ASB9: variants seen among roughly 807,000 people sequenced by gnomAD.
The protein encoded by ASB9 is ankyrin repeat and SOCS box protein 9.
A neutral mutation model predicts 16.6 loss-of-function variants in ASB9; 5 were observed. The ratio of observed to expected loss-of-function variants is 0.30; its 90% CI spans 0.16 to 0.63. The LOEUF (loss-of-function observed/expected upper bound fraction) is 0.63, where lower values mean the gene tolerates loss of function less well. Among genes scored for constraint, ASB9 ranks in the 30% least tolerant of loss-of-function variants. The pLI is 0.82. For missense variants in ASB9, 216 were observed against 229.4 expected (o/e 0.94, Z 0.38); for synonymous variants, 100 against 86.4 (o/e 1.16, Z -0.87).
At chrX:15,248,370 C>T (rs987808369) in intron 6 of ASB9, among the ~76,000 whole-genome samples, 1 of 112,315 alleles carries the variant, frequency 8.9e-6, no homozygotes, top group African/African-American at 3.2e-5. Context: ...TGTGGTTCAA[C>T]AAGATATCCT....
intron 6 of ASB9, among the ~76,000 whole-genome samples, chrX:15,246,245 C>T (rs1380559997): frequency 1.8e-5 from 2 of 111,530 alleles, no homozygotes; most frequent in Non-Finnish European, 3.8e-5. Flanking sequence ...CTACTGATGC[C>T]AACTGAATGC....
At chrX:15,248,229 C>G (rs762354137) in intron 6 of ASB9, among the ~76,000 whole-genome samples, 3 of 111,820 alleles carry the variant, frequency 2.7e-5, no homozygotes, top group Non-Finnish European at 5.6e-5. Flanking sequence ...TCAGTTCTTA[C>G]TTATAGAGAA....
At chrX:15,251,328 CG>C (rs1488806507) in intron 4 of ASB9, among the ~76,000 whole-genome samples, 1 of 111,492 alleles carries the variant, frequency 9.0e-6, no homozygotes, top group East Asian at 2.8e-4. Context: ...CAGGCCACAG[CG>C]GGTATAGGCA....
At chrX:15,256,078 T>C (rs1373863210) in intron 2 of ASB9, among the ~76,000 whole-genome samples, 1 of 111,343 alleles carries the variant, frequency 9.0e-6, no homozygotes, top group Non-Finnish European at 1.9e-5. Context: ...AGCCTACACC[T>C]GCTTCTGTAG....
intron 5 of ASB9, 84 bp from the exon 6 acceptor site, chrX:15,249,019 T>C: frequency 2.0e-6 from 2 of 984,434 alleles, no homozygotes; most frequent in Non-Finnish European, 2.7e-6. Context: ...GCCCCAAAAT[T>C]TCCTAACAAG....
intron 5 of ASB9, among the ~76,000 whole-genome samples, chrX:15,250,203 CAT>C (rs1924987520): frequency 2.7e-5 from 3 of 109,402 alleles, no homozygotes; most frequent in African/African-American, 1.0e-4. Context: ...TCATCATCAT[CAT>C]CATCCTCCTC....
At chrX:15,254,916 T>G (rs1925417802) in intron 2 of ASB9, 72 bp from the exon 3 acceptor site, 5 of 840,023 alleles carry the variant, frequency 6.0e-6, no homozygotes, top group Non-Finnish European at 8.8e-6. Context: ...TCAGCCACCA[T>G]TCCAGTACTA....
chrX:15,262,762 A>G (rs1926076918), intron 1 of ASB9, among the ~76,000 whole-genome samples: 1 of 111,750 alleles, frequency 8.9e-6, no homozygotes. Context: ...CTCTCAAGTA[A>G]CTGGGACTAC....
At position 15,244,352 on chromosome X, in the gene ASB9, A is replaced by T; in HGVS notation, c.*154T>A. 2 of 640,443 alleles carry T rather than the reference A, an allele frequency of 3.1e-6. No homozygotes were observed. The highest frequency in any genetic ancestry group is 6.2e-5 in the South Asian group (2 of 32,301). The allele number at this position is 640,443 out of a possible 1,213,427, so 52.8% of individuals were successfully genotyped here. ...AACAAATACAAATTGAATAGAAAAAATTAGTCAAACTCCATAAACAAGTTT... is the reference window on the plus strand; with the variant it reads ...AACAAATACAAATTGAATAGAAAAATTTAGTCAAACTCCATAAACAAGTTT... On this transcript the variant is annotated 3_prime_UTR_variant, in exon 7 of 7. Coordinates refer to ENST00000380488, the MANE Select transcript of ASB9 (RefSeq NM_001031739.3).
chrX:15,259,198 T>C, intron 1 of ASB9: 1 of 286,836 alleles, frequency 3.5e-6, no homozygotes, highest in African/African-American at 2.6e-5. Flanking sequence ...AAGAGGTGGA[T>C]TGGGATGACA....
At chrX:15,247,155 G>T (rs1924738626) in intron 6 of ASB9, among the ~76,000 whole-genome samples, 1 of 111,376 alleles carries the variant, frequency 9.0e-6, no homozygotes, top group East Asian at 2.8e-4. Flanking sequence ...GCAATCCACA[G>T]GTCTAGTTTT....
chrX:15,256,648 A>G lies in ASB9; in HGVS notation c.175-1804T>C, dbSNP rs749606217. ...AAAAATTAGCCGGGCGAGGTGGGGG[A>G]CACCTGTAGTCCCAGCTACTCGGGA... is the stretch of plus-strand genomic sequence containing the variant. On this transcript the variant is annotated intron_variant, in intron 2 of 6. Coordinates refer to ENST00000380488, the MANE Select transcript of ASB9 (RefSeq NM_001031739.3). 6.8e-3 allele frequency among the ~76,000 whole-genome samples: 704 copies of G among 103,009 alleles called. 9 individuals are homozygous for G. The highest frequency in any genetic ancestry group is 0.024 in the African/African-American group (658 of 27,497). 89.5% of individuals were successfully genotyped at this position (103,009 alleles called of 115,157 possible).
chrX:15,250,066 G>A (rs1924972676), intron 5 of ASB9, among the ~76,000 whole-genome samples: 1 of 111,791 alleles, frequency 8.9e-6, no homozygotes, highest in Non-Finnish European at 1.9e-5. Flanking sequence ...CAAATAGGAA[G>A]ATTCAACACT....
In ASB9 at chrX:15,263,878, A is replaced by G. The variant is rs528524715; in HGVS notation, c.95-4933T>C. 1.8e-4 allele frequency among the ~76,000 whole-genome samples: 20 copies of G among 111,986 alleles called. No individual in the cohort carries two copies. The South Asian group carries it at 7.1e-3, about 40-fold the overall frequency. On this transcript the variant is annotated intron_variant, in intron 1 of 6. Coordinates refer to ENST00000380488, the MANE Select transcript of ASB9 (RefSeq NM_001031739.3). ...TCAGGCAAAACCCCAAAAGATAGACACTAACACTGGGAACAGTGATTACCT... is the reference window on the plus strand; with the variant it reads ...TCAGGCAAAACCCCAAAAGATAGACGCTAACACTGGGAACAGTGATTACCT...
intron 1 of ASB9, among the ~76,000 whole-genome samples, chrX:15,265,457 C>T (rs1277790159): frequency 8.9e-6 from 1 of 111,979 alleles, no homozygotes; most frequent in Non-Finnish European, 1.9e-5. Context: ...TTGAAATCAT[C>T]GCCCTTTCTC....
Position 15,269,785 on chromosome X carries a change from C to A in ASB9, c.90G>T (p.Met30Ile), listed in dbSNP as rs151217271. Residue 30 changes from methionine to isoleucine, a missense_variant, in exon 1 of 7, where the codon ATG becomes ATT. Physicochemically the swap from Met to Ile is conservative, Grantham distance 10. Transcript: ENST00000380488. ...PGIRLLSNPL[M>I]GDAVSDWSPM... ...TCCACTGCCCCTATGACTCACCGCC[C>A]ATCAATGGGTTTGAAAGAAGCCTGA... is the stretch of plus-strand genomic sequence containing the variant. The A allele has an allele frequency of 7.5e-6, 9 of 1,204,389 alleles. No homozygotes were observed. In the African/African-American group the frequency reaches 1.4e-4, roughly 19 times the overall value.
chrX:15,259,178 C>T lies in ASB9; in HGVS notation c.95-233G>A, dbSNP rs1925792121. 1.3e-5 allele frequency: 4 copies of T among 312,467 alleles called. No homozygotes were observed. The South Asian group carries it at 4.4e-4, about 34-fold the overall frequency. 25.8% of individuals were successfully genotyped at this position (312,467 alleles called of 1,213,427 possible). On this transcript the variant is annotated intron_variant, in intron 1 of 6. Coordinates refer to ENST00000380488, the MANE Select transcript of ASB9 (RefSeq NM_001031739.3). ...GAAAGAACTACAGCCAGTCCTCAAA[C>T]TAAGGACAAAAGAGGTGGATTGGGA...
At chrX:15,266,764 G>A (rs753282084) in intron 1 of ASB9, among the ~76,000 whole-genome samples, 83 of 109,069 alleles carry the variant, frequency 7.6e-4, no homozygotes, top group Non-Finnish European at 3.2e-4. Context: ...GTGAAACCCC[G>A]TCTCTACTAA....
At chrX:15,250,204 ATCATCC>A (rs1220803861) in intron 5 of ASB9, among the ~76,000 whole-genome samples, 1 of 109,436 alleles carries the variant, frequency 9.1e-6, no homozygotes, top group African/African-American at 3.4e-5. Flanking sequence ...CATCATCATC[ATCATCC>A]TCCTCCTCCT....
Sources: gnomAD v4.1 joint callset for allele counts (sites outside exome capture counted in the v4.1 genomes callset) on GRCh38, gnomAD v4.1.1 for gene constraint, MANE v1.5 for transcripts, NCBI Gene and HGNC (gene_info 2026-07-23, HGNC 2026-07-21) for gene names.